LGSN: variants seen among roughly 807,000 people sequenced by gnomAD.
The protein encoded by LGSN is lengsin.
LGSN carries 21 observed loss-of-function variants against 19.5 expected under a neutral mutation model. The observed-to-expected ratio is 1.07, with a 90% confidence interval of 0.76 to 1.55. LGSN has a LOEUF of 1.55. Among genes scored for constraint, LGSN ranks in the 40% most tolerant of loss-of-function variants. LGSN has a pLI of 0.00. For synonymous variants in LGSN, 257 were observed against 215.6 expected (o/e 1.19, Z -1.68); for missense variants, 673 against 608.5 (o/e 1.11, Z -1.12).
chr6:63,522,163 A>G, the LGSN span, among the ~76,000 whole-genome samples: 1 of 152,100 alleles, frequency 6.6e-6, no homozygotes, highest in African/African-American at 2.4e-5. Flanking sequence ...TCCCAACTCT[A>G]TATTTATGTT....
the LGSN span, among the ~76,000 whole-genome samples, chr6:63,570,785 G>T: frequency 6.6e-6 from 1 of 152,146 alleles, no homozygotes; most frequent in Non-Finnish European, 1.5e-5. Context: ...CATTGGCCAA[G>T]CTTTTTATAT....
At chr6:63,285,989 G>A (rs1485954659) in intron 2 of LGSN, among the ~76,000 whole-genome samples, 2 of 152,162 alleles carry the variant, frequency 1.3e-5, no homozygotes, top group South Asian at 2.1e-4. Flanking sequence ...GGTCAAAATT[G>A]ACATTATTTG....
the LGSN span, among the ~76,000 whole-genome samples, chr6:63,508,039 G>A: frequency 7.6e-6 from 1 of 130,766 alleles, no homozygotes; most frequent in Non-Finnish European, 1.6e-5. Context: ...TTCCTTCTTT[G>A]GTTATTTCAC....
the LGSN span, among the ~76,000 whole-genome samples, chr6:63,374,130 A>G: frequency 6.6e-6 from 1 of 152,166 alleles, no homozygotes; most frequent in Non-Finnish European, 1.5e-5. Context: ...TGTAAAGGGC[A>G]TTGTGTCTGC....
chr6:63,571,015 T>A, the LGSN span: 2 of 152,234 alleles, frequency 1.3e-5, no homozygotes, highest in Non-Finnish European at 2.9e-5. Context: ...TTTACTTTTT[T>A]AAATCATTTA....
chr6:63,474,327 G>T, the LGSN span, among the ~76,000 whole-genome samples: 34 of 152,344 alleles, frequency 2.2e-4, no homozygotes, highest in African/African-American at 8.2e-4. Context: ...TGGGAAAACG[G>T]GACGGGCGCA....
the LGSN span, among the ~76,000 whole-genome samples, chr6:63,475,360 C>A: frequency 6.6e-6 from 1 of 150,392 alleles, no homozygotes; most frequent in Non-Finnish European, 1.5e-5. Context: ...TCTATTACCA[C>A]CCATAGAGAC....
At chr6:63,526,776 G>A in the LGSN span, among the ~76,000 whole-genome samples, 22 of 142,904 alleles carry the variant, frequency 1.5e-4, no homozygotes, top group African/African-American at 2.9e-4. Flanking sequence ...TCCAACCTGC[G>A]ACAGAGCAAG....
chr6:63,412,801 A>G, the LGSN span, among the ~76,000 whole-genome samples: 2 of 148,128 alleles, frequency 1.4e-5, no homozygotes, highest in Admixed American at 6.7e-5. Flanking sequence ...AAGAAAGGAA[A>G]GAAGGAAGGA....
At chr6:63,495,261 C>T in the LGSN span, among the ~76,000 whole-genome samples, 1 of 151,696 alleles carries the variant, frequency 6.6e-6, no homozygotes, top group South Asian at 2.1e-4. Context: ...CACATTAACC[C>T]AAAAAAGTAT....
the LGSN span, among the ~76,000 whole-genome samples, chr6:63,440,190 G>A: frequency 6.6e-6 from 1 of 152,160 alleles, no homozygotes; most frequent in African/African-American, 2.4e-5. Context: ...CTGCCTTCAA[G>A]CCTAAAACCA....
At chr6:63,419,400 A>G in the LGSN span, among the ~76,000 whole-genome samples, 1 of 152,164 alleles carries the variant, frequency 6.6e-6, no homozygotes, top group Non-Finnish European at 1.5e-5. Context: ...AGGAGGAAAG[A>G]TGGTCTCCCC....
the LGSN span, among the ~76,000 whole-genome samples, chr6:63,373,600 A>G: frequency 6.6e-6 from 1 of 152,168 alleles, no homozygotes; most frequent in African/African-American, 2.4e-5. Context: ...AGAATTTTTC[A>G]GATTAAAGGA....
the LGSN span, among the ~76,000 whole-genome samples, chr6:63,547,187 A>G: frequency 7.5e-6 from 1 of 133,984 alleles, no homozygotes; most frequent in Non-Finnish European, 1.6e-5. Context: ...GTAGGGGGGA[A>G]TTTTTTTTTT....
the LGSN span, among the ~76,000 whole-genome samples, chr6:63,504,426 GA>G: frequency 6.6e-6 from 1 of 152,078 alleles, no homozygotes; most frequent in East Asian, 1.9e-4. Context: ...TATTTTAGTA[GA>G]GACAGGATTT....
the LGSN span, among the ~76,000 whole-genome samples, chr6:63,539,767 CA>C: frequency 4.2e-3 from 537 of 129,006 alleles, 1 homozygote; most frequent in South Asian, 0.013. Context: ...GACTCTGTCT[CA>C]AAAAAAAAAA....
chr6:63,432,113 G>GAA, the LGSN span, among the ~76,000 whole-genome samples: 24 of 88,116 alleles, frequency 2.7e-4, no homozygotes, highest in African/African-American at 1.0e-3. Flanking sequence ...AAGAAAGAAA[G>GAA]AAAGAAAGAA....
rs185449053 is a variant in LGSN at position 63,276,430 on chromosome 6, G to A, written c.*3591C>T. 3.9e-5 allele frequency: 6 copies of A among 152,006 alleles called. No individual in the cohort carries two copies. The highest frequency in any genetic ancestry group is 7.4e-5 in the Non-Finnish European group (5 of 67,954). 9.4% of individuals were successfully genotyped at this position (152,006 alleles called of 1,614,324 possible). ...TAATTTCTAGTCTTAAAATATTATC[G>A]CTTTTAATTTACATTTCTTATGTAT... On this transcript the variant is annotated 3_prime_UTR_variant, in exon 4 of 4. Transcript: ENST00000370657.
the LGSN span, among the ~76,000 whole-genome samples, chr6:63,519,086 G>T: frequency 6.6e-6 from 1 of 152,118 alleles, no homozygotes; most frequent in African/African-American, 2.4e-5. Context: ...AGGCCAAGGC[G>T]GGCAGATCGC....
Sources: allele counts gnomAD v4.1 joint callset (sites outside exome capture counted in the v4.1 genomes callset), GRCh38; gene constraint gnomAD v4.1.1; transcripts MANE v1.5; gene names NCBI Gene and HGNC (gene_info 2026-07-23, HGNC 2026-07-21).